PLXNA4: variants seen among roughly 807,000 people sequenced by gnomAD.
PLXNA4 encodes the protein plexin-A4.
Under a neutral mutation model 191.8 loss-of-function variants are expected in PLXNA4, and 44 were observed. That is an observed-to-expected ratio of 0.23 (90% CI 0.18 to 0.29). The LOEUF (loss-of-function observed/expected upper bound fraction) is 0.29. Among genes scored for constraint, PLXNA4 ranks in the 10% least tolerant of loss-of-function variants. The probability of loss-of-function intolerance (pLI) is 1.00; values close to 1 mark genes in which losing one functional copy is unlikely to be tolerated. For synonymous variants in PLXNA4, 1,082 were observed against 1,009.5 expected (o/e 1.07, Z -1.36); for missense variants, 1,800 against 2,488.8 (o/e 0.72, Z 5.89).
At chr7:132,593,957 A>T (rs952700825) in intron 2 of PLXNA4, among the ~76,000 whole-genome samples, 1 of 152,200 alleles carries the variant, frequency 6.6e-6, no homozygotes, top group African/African-American at 2.4e-5. Context: ...GCAGTGATGA[A>T]GGGAGCTCCG....
intron 2 of PLXNA4, among the ~76,000 whole-genome samples, chr7:132,617,520 T>C (rs1001171093): frequency 6.6e-6 from 1 of 152,230 alleles, no homozygotes; most frequent in Non-Finnish European, 1.5e-5. Flanking sequence ...TCAGACCAAA[T>C]ACATAAATTA....
chr7:132,226,287 A>G, intron 7 of PLXNA4, 27 bp from the exon 8 acceptor site: 1 of 1,589,274 alleles, frequency 6.3e-7, no homozygotes. Flanking sequence ...CTGAGGGGTC[A>G]GGGAATGCTG....
chr7:132,559,335 G>A (rs1800931792), intron 1 of PLXNA4, among the ~76,000 whole-genome samples: 1 of 152,140 alleles, frequency 6.6e-6, no homozygotes, highest in Non-Finnish European at 1.5e-5. Context: ...CCACAAGACA[G>A]CCCAAAGCAC....
At chr7:132,195,612 G>C (rs1486288922) in intron 13 of PLXNA4, among the ~76,000 whole-genome samples, 1 of 152,006 alleles carries the variant, frequency 6.6e-6, no homozygotes, top group Non-Finnish European at 1.5e-5. Context: ...TCCTTTTAAG[G>C]TTTTTCCAAT....
chr7:132,322,184 C>CTGTCTTT lies in PLXNA4; in HGVS notation c.1372-23963_1372-23962insAAAGACA, dbSNP rs376377991. Among the ~76,000 whole-genome samples the CTGTCTTT allele has an allele frequency of 7.3e-5, 9 of 122,494 alleles. 1 individual carries two copies. Among genetic ancestry groups the CTGTCTTT allele is most frequent in the African/African-American group, 2.7e-4 (9 of 33,332 alleles). The allele number at this position is 122,494 out of a possible 152,430, so 80.4% of individuals were successfully genotyped here. A position where few individuals can be genotyped will look rare whatever the true frequency, so the allele number is the denominator to read the frequency against. On this transcript the variant is annotated intron_variant, in intron 3 of 31. Transcript: ENST00000321063. ...CTAGAGTTCAATTTCCCTAAAAGGG[C>CTGTCTTT]TTTTTTTTTTTTTTTTTTAACAGAG...
chr7:132,460,522 G>C (rs962260643), intron 3 of PLXNA4, among the ~76,000 whole-genome samples: 3 of 152,156 alleles, frequency 2.0e-5, no homozygotes, highest in Admixed American at 1.3e-4. Context: ...CAGAGGTTCA[G>C]GTGGCAAAGA....
At chr7:132,577,535 G>A (rs942724295), upstream of PLXNA4, among the ~76,000 whole-genome samples, 3 of 151,962 alleles carry the variant, frequency 2.0e-5, no homozygotes, top group African/African-American at 7.2e-5. Context: ...GGCAGAGGGG[G>A]CAGGGGGCGC....
chr7:132,245,247 C>T (rs1050228225), intron 4 of PLXNA4, among the ~76,000 whole-genome samples: 4 of 152,122 alleles, frequency 2.6e-5, no homozygotes, highest in South Asian at 2.1e-4. Flanking sequence ...CAGATGGTGA[C>T]GTGACCTAAG....
intron 1 of PLXNA4, among the ~76,000 whole-genome samples, chr7:132,562,655 C>T (rs1331688242): frequency 3.4e-5 from 4 of 117,336 alleles, no homozygotes; most frequent in East Asian, 2.8e-4. Flanking sequence ...TCCTCCTCCT[C>T]CTCCTTCTCT....
At chr7:132,221,224 CAAG>C (rs1798134605) in intron 9 of PLXNA4, among the ~76,000 whole-genome samples, 2 of 152,160 alleles carry the variant, frequency 1.3e-5, no homozygotes, top group South Asian at 4.1e-4. Flanking sequence ...AAATTTGGTA[CAAG>C]AAGAGCAAAC....
chr7:132,231,352 G>A (rs1798515779), intron 5 of PLXNA4, among the ~76,000 whole-genome samples: 1 of 152,146 alleles, frequency 6.6e-6, no homozygotes, highest in Admixed American at 6.5e-5. Context: ...ATCCTCATTT[G>A]ACCTCTCCAA....
intron 5 of PLXNA4, among the ~76,000 whole-genome samples, chr7:132,233,287 A>G (rs1798584989): frequency 6.6e-6 from 1 of 152,222 alleles, no homozygotes; most frequent in South Asian, 2.1e-4. Flanking sequence ...GACCACAGTA[A>G]TGGATAGATG....
intron 3 of PLXNA4, among the ~76,000 whole-genome samples, chr7:132,423,839 T>C (rs1243486409): frequency 6.6e-6 from 1 of 152,156 alleles, no homozygotes; most frequent in African/African-American, 2.4e-5. Flanking sequence ...GTTACTCACA[T>C]AGCAACACAT....
intron 1 of PLXNA4, among the ~76,000 whole-genome samples, chr7:132,567,560 G>T (rs192571197): frequency 6.6e-6 from 1 of 152,070 alleles, no homozygotes; most frequent in African/African-American, 2.4e-5. Context: ...CACCATATTA[G>T]TCTGGTTCAC....
rs148305693 is a variant in PLXNA4, at chr7:132,429,555, T to C, written c.1371+59737A>G. Among the ~76,000 whole-genome samples the C allele has an allele frequency of 4.5e-3, 691 of 152,332 alleles. 6 individuals carry two copies. The highest frequency in any genetic ancestry group is 0.016 in the African/African-American group (651 of 41,564). On this transcript the variant is annotated intron_variant, in intron 3 of 31. Coordinates refer to ENST00000321063, the MANE Select transcript of PLXNA4 (RefSeq NM_020911.2). Reference sequence around the variant, plus strand: ...ATTTGCAGACACTGTAACTTGAATTTCATATTATTTTCACATGCCATGATA... The same window carrying C: ...ATTTGCAGACACTGTAACTTGAATTCCATATTATTTTCACATGCCATGATA...
chr7:132,638,116 A>T (rs1431687144), intron 2 of PLXNA4, among the ~76,000 whole-genome samples: 1 of 152,046 alleles, frequency 6.6e-6, no homozygotes, highest in African/African-American at 2.4e-5. Flanking sequence ...GTGCTGCCAC[A>T]ACGGAGCCTC....
intron 2 of PLXNA4, among the ~76,000 whole-genome samples, chr7:132,594,976 AATAG>A (rs376281990): frequency 0.057 from 6,257 of 109,454 alleles, 265 homozygotes; most frequent in Admixed American, 0.18. Context: ...ATTGATAGAT[AATAG>A]ATAGATAGAT....
intron 3 of PLXNA4, among the ~76,000 whole-genome samples, chr7:132,396,653 A>G (rs1793776378): frequency 6.6e-6 from 1 of 152,078 alleles, no homozygotes; most frequent in Admixed American, 6.5e-5. Context: ...ACCATGGCCG[A>G]CTAATTTTTT....
intron 3 of PLXNA4, among the ~76,000 whole-genome samples, chr7:132,433,770 G>A (rs560237519): frequency 6.6e-6 from 1 of 152,146 alleles, no homozygotes; most frequent in Non-Finnish European, 1.5e-5. Context: ...ACTCAGGTCA[G>A]CCCTGACTTC....
Sources: gnomAD v4.1 joint callset for allele counts (sites outside exome capture counted in the v4.1 genomes callset) on GRCh38, gnomAD v4.1.1 for gene constraint, MANE v1.5 for transcripts, NCBI Gene and HGNC (gene_info 2026-07-23, HGNC 2026-07-21) for gene names.